WDR44: variants seen among roughly 807,000 people sequenced by gnomAD.
The protein encoded by WDR44 is WD repeat-containing protein 44.
Under a neutral mutation model 65.7 loss-of-function variants are expected in WDR44, and 9 were observed. The observed-to-expected ratio is 0.14, with a 90% confidence interval of 0.08 to 0.24. WDR44 has a LOEUF of 0.24. Among genes scored for constraint, WDR44 ranks in the 10% least tolerant of loss-of-function variants. The pLI, the probability that WDR44 is intolerant of heterozygous loss-of-function variation, is 1.00. For synonymous variants in WDR44, 220 were observed against 235.2 expected, an observed-to-expected ratio of 0.94 and a Z score of 0.59; for missense variants, 425 against 670.9, an observed-to-expected ratio of 0.63 and a Z score of 4.05.
chrX:118,409,512 T>G lies in WDR44; in HGVS notation c.1557T>G (p.Phe519Leu). The change falls in exon 11 of 20, where the codon TTT (phenylalanine) becomes TTG (leucine). Residue 519 changes from phenylalanine (F) to leucine (L), a missense_variant. By Grantham distance (22) the Phe-to-Leu change is conservative (BLOSUM62 0). Coordinates refer to ENST00000254029, the MANE Select transcript of WDR44 (RefSeq NM_019045.5). The part of the protein sequence containing the change: ...EHMGAVWTMK[F>L]SHCGRLLASA... ...AGGGAGCTGTTTGGACCATGAAATT[T>G]TCTCACTGTGGCCGATTACTTGCCT... The G allele has an allele frequency of 8.3e-7, 1 of 1,210,581 alleles. No individual in the cohort carries two copies. The highest frequency in any genetic ancestry group is 1.1e-6 in the Non-Finnish European group (1 of 895,024).
intron 3 of WDR44, among the ~76,000 whole-genome samples, chrX:118,391,203 C>T (rs1451423220): frequency 8.9e-6 from 1 of 111,845 alleles, no homozygotes; most frequent in African/African-American, 3.3e-5. Flanking sequence ...TTTGAAAACT[C>T]AGACCGTGCT....
chrX:118,399,510 G>A (rs891597997), intron 8 of WDR44, among the ~76,000 whole-genome samples: 1 of 111,399 alleles, frequency 9.0e-6, no homozygotes, highest in Non-Finnish European at 1.9e-5. Context: ...TGGCCATCTA[G>A]TAGTTGCAGT....
At chrX:118,355,815 C>T (rs2056453912) in intron 1 of WDR44, among the ~76,000 whole-genome samples, 1 of 111,175 alleles carries the variant, frequency 9.0e-6, no homozygotes, top group Non-Finnish European at 1.9e-5. Flanking sequence ...TCCAGTCACC[C>T]TTAAACACAC....
At position 118,396,949 on chromosome X, in the gene WDR44, GT is replaced by G. The variant is rs762713572; in HGVS notation, c.1054-9del. The G allele has an allele frequency of 0.088, 52,207 of 592,229 alleles. No homozygotes were observed. Among genetic ancestry groups the G allele is most frequent in the East Asian group, 0.12 (2,068 of 16,621 alleles). 48.8% of individuals were successfully genotyped at this position (592,229 alleles called of 1,213,427 possible). The stretch of plus-strand genomic sequence containing the variant: ...AATTGCAGGTCATCTTGGTGTGATT[GT>G]TTTTTTTTTTTAACCTCAGGAAATT... On this transcript the variant is annotated intron_variant, in intron 6 of 19. Coordinates refer to ENST00000254029, the MANE Select transcript of WDR44 (RefSeq NM_019045.5).
intron 1 of WDR44, among the ~76,000 whole-genome samples, chrX:118,368,687 T>C (rs756389975): frequency 2.2e-5 from 2 of 89,199 alleles, no homozygotes; most frequent in South Asian, 5.3e-4. Context: ...ACTAATCATA[T>C]GAAGTAGCAA....
At chrX:118,372,607 A>G (rs897214699) in intron 1 of WDR44, among the ~76,000 whole-genome samples, 2 of 112,088 alleles carry the variant, frequency 1.8e-5, no homozygotes, top group African/African-American at 6.5e-5. Flanking sequence ...AGTGCCACAA[A>G]GTTCAAAATA....
intron 3 of WDR44, 27 bp from the exon 4 acceptor site, chrX:118,392,605 A>T (rs1158655778): frequency 2.6e-6 from 3 of 1,150,771 alleles, no homozygotes; most frequent in Non-Finnish European, 3.5e-6. Context: ...CTTCATTTTT[A>T]AAAACTACTT....
Position 118,443,608 on chromosome X carries a change from T to C in WDR44, c.2433T>C (p.Tyr811=), listed in dbSNP as rs1208442589. The part of the protein sequence containing the change: ...LVSGSEDKYV[Y]IWSTYHDLSK... ...GTGGTTCAGAAGATAAGTATGTTTA[T>C]ATCTGGAGTACCTACCATGACCTAA... is the stretch of plus-strand genomic sequence containing the variant. Residue 811 remains tyrosine, a synonymous_variant, in exon 18 of 20, where the codon TAT becomes TAC. Coordinates refer to ENST00000254029, the MANE Select transcript of WDR44 (RefSeq NM_019045.5). The C allele has an allele frequency of 8.3e-7, 1 of 1,210,358 alleles. No homozygotes were observed. Among genetic ancestry groups the C allele is most frequent in the African/African-American group, 1.7e-5 (1 of 57,888 alleles).
chrX:118,379,019 G>A (rs1378267312), intron 2 of WDR44, among the ~76,000 whole-genome samples: 2 of 108,219 alleles, frequency 1.8e-5, no homozygotes, highest in Non-Finnish European at 3.8e-5. Context: ...ACTCCAGCCT[G>A]GGTGACAGAG....
intron 1 of WDR44, among the ~76,000 whole-genome samples, chrX:118,347,543 C>G (rs759968600): frequency 5.4e-5 from 6 of 112,063 alleles, no homozygotes; most frequent in Non-Finnish European, 1.1e-4. Flanking sequence ...TATTTTCATG[C>G]TGTAAGAACT....
At chrX:118,349,109 A>T (rs2056379662) in intron 1 of WDR44, among the ~76,000 whole-genome samples, 1 of 112,332 alleles carries the variant, frequency 8.9e-6, no homozygotes, top group Non-Finnish European at 1.9e-5. Flanking sequence ...CAGTTTTTTT[A>T]GAGACTTTTA....
chrX:118,372,581 G>A (rs972363261), intron 1 of WDR44, among the ~76,000 whole-genome samples: 2 of 110,377 alleles, frequency 1.8e-5, no homozygotes, highest in Non-Finnish European at 3.8e-5. Flanking sequence ...CCTCTGAACA[G>A]TTCAATAAAA....
intron 1 of WDR44, among the ~76,000 whole-genome samples, chrX:118,363,223 C>G (rs956276393): frequency 1.5e-4 from 16 of 107,261 alleles, no homozygotes; most frequent in African/African-American, 5.5e-4. Context: ...CATGGTGAAA[C>G]CCTGTCTCTA....
intron 2 of WDR44, among the ~76,000 whole-genome samples, chrX:118,381,677 A>G (rs1478623162): frequency 1.0e-5 from 1 of 100,333 alleles, no homozygotes; most frequent in African/African-American, 3.7e-5. Context: ...GGTTCAAGCA[A>G]TTTTCCTGCC....
intron 12 of WDR44, among the ~76,000 whole-genome samples, chrX:118,430,483 A>G (rs2057200208): frequency 9.3e-6 from 1 of 107,186 alleles, no homozygotes; most frequent in Non-Finnish European, 1.9e-5. Flanking sequence ...CAGAGGTTGC[A>G]GTGAGCCGAG....
rs183205107 is a variant in WDR44 at position 118,417,349 on chromosome X, G to A, written c.1737+6390G>A. Among the ~76,000 whole-genome samples, 14 of 111,593 alleles carry A rather than the reference G, an allele frequency of 1.3e-4. No individual in the cohort carries two copies. In the East Asian group the frequency reaches 2.6e-3, roughly 20 times the overall value. ...GGATTTGTTTCAAGATTTAGAGCTC[G>A]TTTTAGCAGTTCTTATAGTGGTGGC... On this transcript the variant is annotated intron_variant, in intron 12 of 19. Transcript: ENST00000254029.
chrX:118,438,079 C>A (rs2057269472), intron 14 of WDR44, among the ~76,000 whole-genome samples: 1 of 110,430 alleles, frequency 9.1e-6, no homozygotes, highest in Non-Finnish European at 1.9e-5. Context: ...TTTGGTGGCT[C>A]ACGCCTATAA....
intron 1 of WDR44, among the ~76,000 whole-genome samples, chrX:118,374,001 C>T (rs960624810): frequency 9.1e-6 from 1 of 110,085 alleles, no homozygotes; most frequent in Non-Finnish European, 1.9e-5. Context: ...AGGTTTGTTA[C>T]GTAGATATAC....
intron 12 of WDR44, among the ~76,000 whole-genome samples, chrX:118,413,131 C>T (rs2057025611): frequency 8.9e-6 from 1 of 112,219 alleles, no homozygotes; most frequent in Admixed American, 9.5e-5. Flanking sequence ...TTTTGCAATT[C>T]CAAATTGTGC....
Sources: allele counts gnomAD v4.1 joint callset (sites outside exome capture counted in the v4.1 genomes callset), GRCh38; gene constraint gnomAD v4.1.1; transcripts MANE v1.5; gene names NCBI Gene and HGNC (gene_info 2026-07-23, HGNC 2026-07-21).